The following PLXNC1 variants were observed in gnomAD, a reference collection of about 807,000 sequenced individuals.
PLXNC1 encodes the protein plexin-C1.
In PLXNC1, 75 loss-of-function variants were observed where a neutral mutation model predicts 178.2. The ratio of observed to expected loss-of-function variants is 0.42; its 90% CI spans 0.35 to 0.51. The LOEUF is 0.51. PLXNC1 is among the 20% of genes least tolerant of loss of function. PLXNC1 has a pLI of 0.02. For synonymous variants in PLXNC1, 790 were observed against 779.9 expected, an observed-to-expected ratio of 1.01 and a Z score of -0.22; for missense variants, 1,503 against 1,984.4, an observed-to-expected ratio of 0.76 and a Z score of 4.61.
chr12:94,149,949 G>A lies in PLXNC1; in HGVS notation c.978G>A (p.Thr326=), dbSNP rs1295102567. The change falls in exon 1 of 31, where the codon ACG becomes ACA. Residue 326 remains threonine, a synonymous_variant. Transcript: ENST00000258526. ...AGGAGCGGCGCTCCCCCACCACCAC[G>A]GCGCTCTGCCTCTTCAGAATGAGTG... ...EGQERRSPTT[T]ALCLFRMSEI... 6.3e-7 allele frequency: 1 copy of A among 1,587,526 alleles called. No homozygotes were observed. The highest frequency in any genetic ancestry group is 8.6e-7 in the Non-Finnish European group (1 of 1,167,954).
chr12:94,248,065 G>A lies in PLXNC1; in HGVS notation c.2551G>A (p.Val851Met), dbSNP rs753084675. The A allele has an allele frequency of 6.2e-7, 1 of 1,614,152 alleles. No homozygotes were observed. The highest frequency in any genetic ancestry group is 1.1e-5 in the South Asian group (1 of 91,074). The change falls in exon 13 of 31, where the codon GTG becomes ATG. Residue 851 changes from valine to methionine, a missense_variant. By Grantham distance (21) the Val-to-Met change is conservative. Coordinates refer to ENST00000258526, the MANE Select transcript of PLXNC1 (RefSeq NM_005761.3). ...GGACCCCAGATTCACGGGGTATCGG[G>A]TGGAATCCGAGGTGGACACAGAACT... Reference protein sequence around the residue: ...REDPRFTGYRVESEVDTELEV... With the variant: ...REDPRFTGYRMESEVDTELEV...
intron 22 of PLXNC1, chr12:94,280,022 ATTTG>A (rs1966318692): frequency 5.4e-6 from 2 of 369,456 alleles, no homozygotes; most frequent in Admixed American, 3.8e-5. Context: ...TTGGCATTTG[ATTTG>A]TTTGTTGTGA....
At position 94,301,709 on chromosome 12, in the gene PLXNC1, ACCTGGAATGAATGGAGACTGATGTT is replaced by A. The variant is rs566783442; in HGVS notation, c.4386+655_4386+679del. 6.5e-3 allele frequency among the ~76,000 whole-genome samples: 991 copies of A among 152,328 alleles called. 14 individuals carry two copies. The highest frequency in any genetic ancestry group is 0.023 in the African/African-American group (944 of 41,580). On this transcript the variant is annotated intron_variant, in intron 28 of 30. Coordinates refer to ENST00000258526, the MANE Select transcript of PLXNC1 (RefSeq NM_005761.3). ...AGTTCTTGGGCAGGACTTTAAGAGT[ACCTGGAATGAATGGAGACTGATGTT>A]CCACAGGTGCCTCAGACTCCCAGTC...
At chr12:94,274,933 G>A (rs1428295091) in intron 21 of PLXNC1, among the ~76,000 whole-genome samples, 2 of 152,160 alleles carry the variant, frequency 1.3e-5, no homozygotes, top group African/African-American at 4.8e-5. Flanking sequence ...ACAGTGTCTG[G>A]CACCTATAAA....
intron 4 of PLXNC1, among the ~76,000 whole-genome samples, chr12:94,195,771 G>C (rs919972186): frequency 1.3e-5 from 2 of 152,156 alleles, no homozygotes; most frequent in African/African-American, 2.4e-5. Flanking sequence ...TTTCTCGCTC[G>C]GTCTAACAGC....
At chr12:94,271,714 T>C (rs1277057233) in intron 21 of PLXNC1, among the ~76,000 whole-genome samples, 2 of 152,252 alleles carry the variant, frequency 1.3e-5, no homozygotes, top group African/African-American at 2.4e-5. Context: ...TAGCCATCTT[T>C]CCTGGTGTGA....
chr12:94,303,609 T>C (rs1003041368), intron 28 of PLXNC1, 147 bp from the exon 29 acceptor site: 11 of 593,294 alleles, frequency 1.9e-5, no homozygotes, highest in East Asian at 1.2e-4. Context: ...ATTTAAGGCC[T>C]ACTGCATGAA....
chr12:94,212,590 T>C (rs1963513950), intron 5 of PLXNC1, among the ~76,000 whole-genome samples: 1 of 151,954 alleles, frequency 6.6e-6, no homozygotes, highest in Non-Finnish European at 1.5e-5. Context: ...GTTTTCTGTC[T>C]TTGTGATAGT....
rs541421244 is a variant in PLXNC1 at position 94,224,482 on chromosome 12, G to A, written c.1790+167G>A. Among the ~76,000 whole-genome samples, 4 of 152,292 alleles carry A rather than the reference G, an allele frequency of 2.6e-5. No individual in the cohort carries two copies. In the East Asian group the frequency reaches 5.8e-4, roughly 22 times the overall value. On this transcript the variant is annotated intron_variant, in intron 7 of 30. Coordinates refer to ENST00000258526, the MANE Select transcript of PLXNC1 (RefSeq NM_005761.3). Reference sequence around the variant, plus strand: ...GAGAGCCACCGAGCTAATAAGCTCCGCTCGCACATTCTAGCCCTGACTAGT... The same window carrying A: ...GAGAGCCACCGAGCTAATAAGCTCCACTCGCACATTCTAGCCCTGACTAGT...
rs1478025047 is a variant in PLXNC1 at position 94,169,139 on chromosome 12, G to T, written c.1063-14G>T. The T allele has an allele frequency of 1.2e-6, 2 of 1,609,334 alleles. No homozygotes were observed. The highest frequency in any genetic ancestry group is 1.1e-5 in the South Asian group (1 of 90,248). On this transcript the variant is annotated splice_polypyrimidine_tract_variant and intron_variant, in intron 1 of 30. Coordinates refer to ENST00000258526, the MANE Select transcript of PLXNC1 (RefSeq NM_005761.3). ...ATTATTATTATTTTTTTGTGCGTTT[G>T]TGTGCATGTTCAGAAAGAAGGGGAT...
At position 94,149,131 on chromosome 12, in the gene PLXNC1, G is replaced by A; in HGVS notation, c.160G>A (p.Glu54Lys). 6.3e-7 allele frequency: 1 copy of A among 1,589,866 alleles called. No homozygotes were observed. The highest frequency in any genetic ancestry group is 8.5e-7 in the Non-Finnish European group (1 of 1,172,724). Residue 54 changes from glutamate to lysine, a missense_variant, in exon 1 of 31, where the codon GAG (glutamate) becomes AAG (lysine). Glu to Lys is a moderately conservative substitution (Grantham distance 56). Transcript: ENST00000258526. Reference sequence around the variant, plus strand: ...CATCGGAGCCATCGCGGCGAGCCAGGAGGACGGCGTGTTTGTGGCGAGCGG... The same window carrying A: ...CATCGGAGCCATCGCGGCGAGCCAGAAGGACGGCGTGTTTGTGGCGAGCGG... ...QAIGAIAASQEDGVFVASGSC... is the reference protein window; with the variant it reads ...QAIGAIAASQKDGVFVASGSC...
chr12:94,167,449 A>G lies in PLXNC1; in HGVS notation c.1063-1704A>G, dbSNP rs547303551. On this transcript the variant is annotated intron_variant, in intron 1 of 30. Coordinates refer to ENST00000258526, the MANE Select transcript of PLXNC1 (RefSeq NM_005761.3). ...GAGACGATGCCCTATTCTCCGCGTT[A>G]GCCTCTCTGCAGTGTTCAAATATTT... Among the ~76,000 whole-genome samples, 4 of 152,356 alleles carry G rather than the reference A, an allele frequency of 2.6e-5. No individual in the cohort carries two copies. In the South Asian group the frequency reaches 8.3e-4, roughly 32 times the overall value.
intron 9 of PLXNC1, among the ~76,000 whole-genome samples, chr12:94,233,337 T>G (rs1964160305): frequency 6.6e-6 from 1 of 152,132 alleles, no homozygotes; most frequent in African/African-American, 2.4e-5. Context: ...GGGCTGGGTT[T>G]AAATTAGAAT....
intron 14 of PLXNC1, among the ~76,000 whole-genome samples, chr12:94,249,938 TG>T (rs1366591413): frequency 4.4e-4 from 8 of 18,288 alleles, no homozygotes; most frequent in South Asian, 2.3e-3. Flanking sequence ...TGTGGGGGGG[TG>T]GGGGGGTGGG....
chr12:94,266,126 T>G (rs1028678146), intron 21 of PLXNC1, among the ~76,000 whole-genome samples: 2 of 152,192 alleles, frequency 1.3e-5, no homozygotes, highest in Non-Finnish European at 2.9e-5. Context: ...CTTCTGTGGC[T>G]TTGCTCTGGA....
intron 14 of PLXNC1, 111 bp downstream of exon 14, chr12:94,248,523 T>G: frequency 3.5e-6 from 3 of 864,256 alleles, no homozygotes; most frequent in Non-Finnish European, 5.4e-6. Context: ...ATCCTCACTT[T>G]AAATAGAAGA....
chr12:94,187,537 G>A (rs969723064), intron 4 of PLXNC1, among the ~76,000 whole-genome samples: 1 of 152,200 alleles, frequency 6.6e-6, no homozygotes, highest in Non-Finnish European at 1.5e-5. Flanking sequence ...GGCTGTTTCC[G>A]TCAGAGTCAC....
chr12:94,248,501 A>G lies in PLXNC1; in HGVS notation c.2778+89A>G, dbSNP rs950214182. The G allele has an allele frequency of 1.1e-5, 11 of 1,000,594 alleles. 1 individual carries two copies. The Middle Eastern group carries it at 1.1e-3, about 100-fold the overall frequency. The allele number at this position is 1,000,594 out of a possible 1,614,324, so 62.0% of individuals were successfully genotyped here. On this transcript the variant is annotated intron_variant, in intron 14 of 30. Transcript: ENST00000258526. ...ACCAGAGGCCAGAATGGAATCTTTCATGGATCTTCAGATCCTCACTTTAAA... is the reference window on the plus strand; with the variant it reads ...ACCAGAGGCCAGAATGGAATCTTTCGTGGATCTTCAGATCCTCACTTTAAA...
At chr12:94,154,032 T>G (rs892156590) in intron 1 of PLXNC1, among the ~76,000 whole-genome samples, 1 of 152,216 alleles carries the variant, frequency 6.6e-6, no homozygotes, top group Admixed American at 6.5e-5. Context: ...TATACACATA[T>G]TATATGCAAA....
Sources: allele counts gnomAD v4.1 joint callset (sites outside exome capture counted in the v4.1 genomes callset), GRCh38; gene constraint gnomAD v4.1.1; transcripts MANE v1.5; gene names NCBI Gene and HGNC (gene_info 2026-07-23, HGNC 2026-07-21).